The following DTNB variants were observed in gnomAD, a reference collection of about 807,000 sequenced individuals.
The protein encoded by DTNB is DTN-B.
In DTNB, 63 loss-of-function variants were observed where a neutral mutation model predicts 90.7. That is an observed-to-expected ratio of 0.69 (90% CI 0.57 to 0.86). DTNB has a LOEUF of 0.86. Ranked by LOEUF, DTNB falls within the 40% of genes least tolerant of loss-of-function variation. The probability of loss-of-function intolerance (pLI) is 0.00; values close to 1 mark genes in which losing one functional copy is unlikely to be tolerated. For missense variants in DTNB, 744 were observed against 807.1 expected (o/e 0.92, Z 0.95); for synonymous variants, 277 against 286.7 (o/e 0.97, Z 0.34).
chr2:25,667,699 ATAGT>A (rs1453307215), intron 1 of DTNB, among the ~76,000 whole-genome samples: 1 of 152,222 alleles, frequency 6.6e-6, no homozygotes, highest in African/African-American at 2.4e-5. Context: ...ACTTTGAAAG[ATAGT>A]TTAATAGTTT....
At chr2:25,403,260 C>T (rs1046518310) in intron 16 of DTNB, among the ~76,000 whole-genome samples, 4 of 152,150 alleles carry the variant, frequency 2.6e-5, no homozygotes, top group African/African-American at 4.8e-5. Context: ...GGATTACGGG[C>T]GCCCGCCACC....
In DTNB at chr2:25,634,599, T is replaced by C. The variant is rs1167346134; in HGVS notation, c.148+4415A>G. Among the ~76,000 whole-genome samples, 20 of 120,194 alleles carry C rather than the reference T, an allele frequency of 1.7e-4. 4 individuals carry two copies. Among genetic ancestry groups the C allele is most frequent in the Admixed American group, 1.2e-3 (15 of 12,164 alleles). The allele number at this position is 120,194 out of a possible 152,430, so 78.9% of individuals were successfully genotyped here. ...GAACGGGCCAGGATGACAATGGCGG[T>C]TTTGTGGAATAGAAAGGGGGGAAAG... On this transcript the variant is annotated intron_variant, in intron 3 of 20. Coordinates refer to ENST00000406818, the MANE Select transcript of DTNB (RefSeq NM_021907.5).
At position 25,589,919 on chromosome 2, in the gene DTNB, C is replaced by T. The variant is rs531187395; in HGVS notation, c.603+6167G>A. ...ATGCCTACCAAGGGCGAGCCATGTGCAGAGCAGTGAAGCGAGTGTGAAGGA... is the reference window on the plus strand; with the variant it reads ...ATGCCTACCAAGGGCGAGCCATGTGTAGAGCAGTGAAGCGAGTGTGAAGGA... On this transcript the variant is annotated intron_variant, in intron 6 of 20. Coordinates refer to ENST00000406818, the MANE Select transcript of DTNB (RefSeq NM_021907.5). Among the ~76,000 whole-genome samples, 3 of 152,318 alleles carry T rather than the reference C, an allele frequency of 2.0e-5. No individual in the cohort carries two copies. In the South Asian group the frequency reaches 6.2e-4, roughly 32 times the overall value.
intron 8 of DTNB, among the ~76,000 whole-genome samples, chr2:25,575,098 G>A (rs1572811620): frequency 6.6e-6 from 1 of 151,984 alleles, no homozygotes; most frequent in East Asian, 1.9e-4. Flanking sequence ...CAAACCAGGG[G>A]GAATAAGAAG....
rs2083530868 is a variant in DTNB at position 25,550,973 on chromosome 2, G to T, written c.877-19376C>A. The stretch of plus-strand genomic sequence containing the variant: ...CTGAGACCTCAATTTTTCAAACATT[G>T]TCTCTGGTCAATTTTCTTCACTGAC... On this transcript the variant is annotated intron_variant, in intron 8 of 20. Coordinates refer to ENST00000406818, the MANE Select transcript of DTNB (RefSeq NM_021907.5). Among the ~76,000 whole-genome samples the T allele has an allele frequency of 3.9e-5, 6 of 152,294 alleles. No homozygotes were observed. In the South Asian group the frequency reaches 1.2e-3, roughly 32 times the overall value.
At chr2:25,382,486 G>A (rs1340843915) in intron 19 of DTNB, among the ~76,000 whole-genome samples, 1 of 146,076 alleles carries the variant, frequency 6.8e-6, no homozygotes, top group Non-Finnish European at 1.5e-5. Flanking sequence ...TTAAGAGCAC[G>A]AAGTTTGGAG....
At chr2:25,511,931 G>A (rs187813151) in intron 9 of DTNB, among the ~76,000 whole-genome samples, 61 of 152,216 alleles carry the variant, frequency 4.0e-4, no homozygotes, top group African/African-American at 1.4e-3. Context: ...GAAAAAAGAA[G>A]TCCCTTAAAT....
chr2:25,428,502 G>C (rs1221377441), intron 14 of DTNB, among the ~76,000 whole-genome samples: 2 of 147,902 alleles, frequency 1.4e-5, no homozygotes, highest in African/African-American at 5.0e-5. Context: ...GTGCCATCTT[G>C]TCTCAACTGC....
Position 25,666,827 on chromosome 2 carries a change from G to A in DTNB, c.-2+6559C>T, listed in dbSNP as rs139283128. ...AGAAAGCAAAGGAGGATGAAGAAAC[G>A]GAGATATCTGGGCCAGACCCACTGC... On this transcript the variant is annotated intron_variant, in intron 1 of 20. Transcript: ENST00000406818. Among the ~76,000 whole-genome samples the A allele has an allele frequency of 3.4e-4, 51 of 152,200 alleles. 2 individuals are homozygous for A. The East Asian group carries it at 7.0e-3, about 21-fold the overall frequency.
At chr2:25,567,023 C>G (rs2059147972) in intron 8 of DTNB, among the ~76,000 whole-genome samples, 1 of 152,142 alleles carries the variant, frequency 6.6e-6, no homozygotes, top group Non-Finnish European at 1.5e-5. Flanking sequence ...GCATGGCAGA[C>G]CCAGCCTCAG....
intron 16 of DTNB, among the ~76,000 whole-genome samples, chr2:25,411,658 G>A (rs1057173487): frequency 2.6e-5 from 4 of 152,144 alleles, no homozygotes; most frequent in African/African-American, 4.8e-5. Flanking sequence ...GCCAACTTAG[G>A]AGGGCCGCAG....
At chr2:25,482,739 C>A in intron 10 of DTNB, 57 bp downstream of exon 10, 1 of 1,562,184 alleles carries the variant, frequency 6.4e-7, no homozygotes, top group South Asian at 1.1e-5. Context: ...CTGGCAGGGG[C>A]ATCGCAAATC....
At chr2:25,432,373 C>CT (rs2054192013) in intron 14 of DTNB, among the ~76,000 whole-genome samples, 1 of 152,150 alleles carries the variant, frequency 6.6e-6, no homozygotes, top group Admixed American at 6.5e-5. Context: ...CATTCTCATC[C>CT]TATGTCCTTA....
At chr2:25,643,328 T>C (rs1229597067) in intron 2 of DTNB, among the ~76,000 whole-genome samples, 2 of 152,160 alleles carry the variant, frequency 1.3e-5, no homozygotes, top group Non-Finnish European at 2.9e-5. Context: ...GCTTCCCCCA[T>C]GTGGCTCCTA....
chr2:25,406,348 A>G (rs1490097985), intron 16 of DTNB, among the ~76,000 whole-genome samples: 1 of 152,006 alleles, frequency 6.6e-6, no homozygotes, highest in South Asian at 2.1e-4. Context: ...CCTGACCAAC[A>G]TGGAGAAACC....
At chr2:25,438,621 T>TC (rs1322732708) in intron 12 of DTNB, among the ~76,000 whole-genome samples, 2 of 152,178 alleles carry the variant, frequency 1.3e-5, no homozygotes, top group Non-Finnish European at 2.9e-5. Context: ...CAGACAAATT[T>TC]CCCATACAGA....
chr2:25,639,216 G>A, intron 2 of DTNB, 122 bp from the exon 3 acceptor site: 1 of 909,792 alleles, frequency 1.1e-6, no homozygotes, highest in Non-Finnish European at 1.6e-6. Context: ...CTTAAAAACG[G>A]TGGGTCAATT....
rs185196583 is a variant in DTNB at position 25,387,535 on chromosome 2, C to T, written c.1736-157G>A. ...CAGCTCCACCCATTCCCAGGCACAC[C>T]GGGGGCAGGAGGCACCAGCCCACTG... On this transcript the variant is annotated intron_variant, in intron 17 of 20. Coordinates refer to ENST00000406818, the MANE Select transcript of DTNB (RefSeq NM_021907.5). This position sits in a 1 kb window ranked among gnomAD's most constrained non-coding sequence, Gnocchi z 4.5. Among the ~76,000 whole-genome samples, 269 of 152,260 alleles carry T rather than the reference C, an allele frequency of 1.8e-3. 1 individual carries two copies. The highest frequency in any genetic ancestry group is 5.7e-3 in the African/African-American group (238 of 41,538).
chr2:25,458,845 C>T (rs1376279609), intron 10 of DTNB, among the ~76,000 whole-genome samples: 3 of 152,084 alleles, frequency 2.0e-5, no homozygotes, highest in Non-Finnish European at 4.4e-5. Context: ...CGGGGTTTCA[C>T]CGTGTTAGCC....
Sources: allele counts gnomAD v4.1 joint callset (sites outside exome capture counted in the v4.1 genomes callset), GRCh38; gene constraint gnomAD v4.1.1; non-coding constraint Gnocchi (gnomAD v3.1); transcripts MANE v1.5; gene names NCBI Gene and HGNC (gene_info 2026-07-23, HGNC 2026-07-21).